Variants in PANK1 observed in about 807,000 individuals in gnomAD.
PANK1 encodes the protein pantothenate kinase 1, also known as pantothenic acid kinase 1.
A neutral mutation model predicts 40.1 loss-of-function variants in PANK1; 18 were observed. That is an observed-to-expected ratio of 0.45 (90% CI 0.31 to 0.67). PANK1 has a LOEUF of 0.67. PANK1 is among the 30% of genes least tolerant of loss of function. The pLI is 0.06. For missense variants in PANK1, 457 were observed against 599.6 expected, an observed-to-expected ratio of 0.76 and a Z score of 2.48; for synonymous variants, 242 against 237.7, an observed-to-expected ratio of 1.02 and a Z score of -0.17.
At chr10:89,581,863 A>G (rs963251617), downstream of PANK1, 2 of 152,212 alleles carry the variant, frequency 1.3e-5, no homozygotes, top group Non-Finnish European at 2.9e-5. Context: ...GTGAGCTGTC[A>G]AGATAGATTT....
chr10:89,635,218 T>C (rs1589818076), intron 1 of PANK1, among the ~76,000 whole-genome samples: 1 of 152,304 alleles, frequency 6.6e-6, no homozygotes, highest in African/African-American at 2.4e-5. Context: ...GTCCATTTTG[T>C]GCTGCTATAA....
intron 1 of PANK1, among the ~76,000 whole-genome samples, chr10:89,630,785 C>T (rs757909923): frequency 2.4e-4 from 36 of 152,318 alleles, no homozygotes; most frequent in Non-Finnish European, 5.0e-4. Flanking sequence ...AGCCACTGCG[C>T]CCGGCCTCTA....
intron 1 of PANK1, among the ~76,000 whole-genome samples, chr10:89,622,248 C>T (rs540674573): frequency 7.9e-5 from 12 of 152,306 alleles, no homozygotes; most frequent in African/African-American, 2.2e-4. Flanking sequence ...TTATCACACA[C>T]AGAGCAATCT....
chr10:89,591,115 A>G (rs528773863), intron 5 of PANK1, among the ~76,000 whole-genome samples: 2 of 152,224 alleles, frequency 1.3e-5, no homozygotes, highest in African/African-American at 4.8e-5. Context: ...GCATATAATT[A>G]TATTTCAATA....
chr10:89,644,502 A>G, intron 1 of PANK1, 98 bp downstream of exon 1: 1 of 1,089,402 alleles, frequency 9.2e-7, no homozygotes, highest in Non-Finnish European at 1.3e-6. Flanking sequence ...GCGGGGGCGC[A>G]CGGGGCGTGC....
At chr10:89,606,531 C>T (rs1322095243) in intron 2 of PANK1, among the ~76,000 whole-genome samples, 3 of 152,076 alleles carry the variant, frequency 2.0e-5, no homozygotes, top group Non-Finnish European at 2.9e-5. Context: ...CTTTTCTTTT[C>T]ATGTTTTTTT....
downstream of PANK1, chr10:89,579,831 G>A (rs541789930): frequency 6.6e-6 from 1 of 152,260 alleles, no homozygotes; most frequent in East Asian, 1.9e-4. Context: ...CCAAATGTAA[G>A]CCTAATGAAA....
At chr10:89,591,102 A>G (rs1018489705) in intron 5 of PANK1, among the ~76,000 whole-genome samples, 6 of 152,060 alleles carry the variant, frequency 3.9e-5, no homozygotes, top group African/African-American at 1.5e-4. Context: ...GGTGAATTGT[A>G]TAGCATATAA....
chr10:89,635,145 G>C, intron 1 of PANK1, among the ~76,000 whole-genome samples: 1 of 150,064 alleles, frequency 6.7e-6, no homozygotes, highest in South Asian at 2.1e-4. Context: ...TATATATATA[G>C]AGAGAGAGAG....
intron 6 of PANK1, among the ~76,000 whole-genome samples, chr10:89,586,295 T>C (rs565677245): frequency 1.7e-3 from 258 of 152,328 alleles, no homozygotes; most frequent in African/African-American, 5.9e-3. Context: ...ACAGGAGTTT[T>C]CTTTTTCCTT....
intron 3 of PANK1, among the ~76,000 whole-genome samples, chr10:89,596,322 C>T (rs993543292): frequency 1.3e-5 from 2 of 152,122 alleles, no homozygotes; most frequent in Non-Finnish European, 2.9e-5. Context: ...ATTCAACAAC[C>T]CACTCCAAAG....
intron 1 of PANK1, among the ~76,000 whole-genome samples, chr10:89,624,435 C>T (rs1392192816): frequency 6.6e-6 from 1 of 151,944 alleles, no homozygotes; most frequent in Non-Finnish European, 1.5e-5. Flanking sequence ...GGAAGGGGGC[C>T]CATGAAGGCA....
At position 89,645,150 on chromosome 10, in the gene PANK1, CCCCGCGCA is replaced by C; in HGVS notation, c.-267_-260del. 1 of 1,522,036 alleles carries C rather than the reference CCCCGCGCA, an allele frequency of 6.6e-7. No individual in the cohort carries two copies. Among genetic ancestry groups the C allele is most frequent in the South Asian group, 1.2e-5 (1 of 81,988 alleles). The allele number at this position is 1,522,036 out of a possible 1,614,324, so 94.3% of individuals were successfully genotyped here. A position where few individuals can be genotyped will look rare whatever the true frequency, so the allele number is the denominator to read the frequency against. ...CAGCCCCGGGCGCGGAATCGGGGATCCCCGCGCACCCCCAGCCGGGGCTCCCGCCGCCC... is the reference window on the plus strand; with the variant it reads ...CAGCCCCGGGCGCGGAATCGGGGATCCCCCCAGCCGGGGCTCCCGCCGCCC... On this transcript the variant is annotated 5_prime_UTR_variant, in exon 1 of 7. Coordinates refer to ENST00000307534, the MANE Select transcript of PANK1 (RefSeq NM_148977.3).
chr10:89,588,634 T>C lies in PANK1; in HGVS notation c.1326+18A>G, dbSNP rs762159524. On this transcript the variant is annotated intron_variant, in intron 6 of 6. Transcript: ENST00000307534. Reference sequence around the variant, plus strand: ...TATACTCCACATATGACAGTAAGTCTATGCAAGCTCAACCTACCTCATGTT... The same window carrying C: ...TATACTCCACATATGACAGTAAGTCCATGCAAGCTCAACCTACCTCATGTT... The C allele has an allele frequency of 3.2e-6, 5 of 1,583,934 alleles. No individual in the cohort carries two copies. Among genetic ancestry groups the C allele is most frequent in the Non-Finnish European group, 4.3e-6 (5 of 1,169,142 alleles).
chr10:89,594,056 C>T lies in PANK1; in HGVS notation c.900-67G>A, dbSNP rs138908837. The T allele has an allele frequency of 3.0e-4, 325 of 1,097,852 alleles. 2 individuals carry two copies. In the African/African-American group the frequency reaches 3.9e-3, roughly 13 times the overall value. The allele number at this position is 1,097,852 out of a possible 1,614,324, so 68.0% of individuals were successfully genotyped here. On this transcript the variant is annotated intron_variant, in intron 3 of 6. Transcript: ENST00000307534. ...ATATGCCCATCCAAGTCCCCAACTACGTCAAGACTATTAATATGGGTGAAT... is the reference window on the plus strand; with the variant it reads ...ATATGCCCATCCAAGTCCCCAACTATGTCAAGACTATTAATATGGGTGAAT...
intron 1 of PANK1, among the ~76,000 whole-genome samples, chr10:89,612,505 G>T (rs887538253): frequency 6.6e-6 from 1 of 152,142 alleles, no homozygotes; most frequent in Non-Finnish European, 1.5e-5. Flanking sequence ...GACCATGCTG[G>T]GTGTACCAAG....
intron 1 of PANK1, chr10:89,626,403 A>C (rs45510095): frequency 0.23 from 34,013 of 149,994 alleles, 4,109 homozygotes; most frequent in East Asian, 0.49. Flanking sequence ...CTCCCAGGTT[A>C]ATGCCATTCT....
intron 2 of PANK1, among the ~76,000 whole-genome samples, chr10:89,606,038 C>G (rs1014609225): frequency 5.9e-5 from 9 of 152,082 alleles, no homozygotes; most frequent in Admixed American, 2.6e-4. Flanking sequence ...TTTTTCTGAG[C>G]AGTAGGTCTA....
At chr10:89,586,401 G>A (rs373625652) in intron 6 of PANK1, among the ~76,000 whole-genome samples, 1 of 152,024 alleles carries the variant, frequency 6.6e-6, no homozygotes, top group Non-Finnish European at 1.5e-5. Flanking sequence ...CTGGCTGTGG[G>A]GGGTAGGGAG....
Sources: allele counts gnomAD v4.1 joint callset (sites outside exome capture counted in the v4.1 genomes callset), GRCh38; gene constraint gnomAD v4.1.1; transcripts MANE v1.5; gene names NCBI Gene and HGNC (gene_info 2026-07-23, HGNC 2026-07-21).